ZNF44: variants seen among roughly 807,000 people sequenced by gnomAD.
ZNF44 encodes zinc finger protein 44.
ZNF44 carries 9 observed loss-of-function variants against 11.7 expected under a neutral mutation model. The ratio of observed to expected loss-of-function variants is 0.77; its 90% CI spans 0.46 to 1.35. The LOEUF (loss-of-function observed/expected upper bound fraction) is 1.35. Ranked by LOEUF, ZNF44 falls within the 40% of genes most tolerant of loss-of-function variation. ZNF44 has a pLI of 0.00. For synonymous variants in ZNF44, 224 were observed against 242.7 expected (o/e 0.92, Z 0.72); for missense variants, 696 against 743.1 (o/e 0.94, Z 0.74).
intron 1 of ZNF44, among the ~76,000 whole-genome samples, chr19:12,279,079 A>G (rs1222451225): frequency 6.6e-6 from 1 of 152,162 alleles, no homozygotes; most frequent in Admixed American, 6.5e-5. Flanking sequence ...CATTCAGGAA[A>G]TCTCTGTCAG....
rs191014310 is a variant in ZNF44 at position 12,285,998 on chromosome 19, G to A, written c.3+8694C>T. Among the ~76,000 whole-genome samples, 434 of 152,008 alleles carry A rather than the reference G, an allele frequency of 2.9e-3. 7 individuals carry two copies. The East Asian group carries it at 0.041, about 14-fold the overall frequency. ...CACGCCACTGCACTCTAGCCTGGGT[G>A]ACAGAGCGAGACTCCATCTCAAAAA... On this transcript the variant is annotated intron_variant, in intron 1 of 3. Coordinates refer to ENST00000355684, the MANE Select transcript of ZNF44 (RefSeq NM_016264.4).
At chr19:12,285,222 G>T in intron 1 of ZNF44, 1 of 422,656 alleles carries the variant, frequency 2.4e-6, no homozygotes, top group Non-Finnish European at 4.2e-6. Context: ...AATTAAGCCT[G>T]AAAAAAATGT....
intron 1 of ZNF44, among the ~76,000 whole-genome samples, chr19:12,289,676 G>A (rs1024247120): frequency 1.0e-5 from 1 of 96,790 alleles, no homozygotes; most frequent in African/African-American, 4.2e-5. Context: ...ATGGAGTCTT[G>A]TTCTGTCGCC....
chr19:12,260,476 T>C (rs1022352934), intron 5 of ZNF44: 2 of 1,329,194 alleles, frequency 1.5e-6, no homozygotes, highest in East Asian at 2.4e-5. Flanking sequence ...AGCGCCATCC[T>C]GTGCAGCCAG....
intron 3 of ZNF44, among the ~76,000 whole-genome samples, chr19:12,228,152 A>C (rs1163253657): frequency 9.5e-6 from 1 of 105,582 alleles, no homozygotes; most frequent in Non-Finnish European, 1.9e-5. Context: ...AACGTGCTTA[A>C]ACCTTCAAAA....
chr19:12,274,062 A>C lies in ZNF44; in HGVS notation c.193T>G (p.Cys65Gly). 6.3e-7 allele frequency: 1 copy of C among 1,596,290 alleles called. No individual in the cohort carries two copies. The highest frequency in any genetic ancestry group is 8.5e-7 in the Non-Finnish European group (1 of 1,171,036). ...QHQNLRRNPR[C>G]DVVERFGKSK... ...TTACCAAATCTCTCTACCACATCAC[A>C]CCTGTAAAAAATGAAAAGTACATTA... is the stretch of plus-strand genomic sequence containing the variant. Residue 65 changes from cysteine to glycine, a missense_variant and splice_region_variant, in exon 4 of 4, where the codon TGT becomes GGT. Cys to Gly is a radical substitution (Grantham distance 159). Transcript: ENST00000355684.
chr19:12,276,369 G>T (rs1967219507), intron 1 of ZNF44, among the ~76,000 whole-genome samples: 1 of 152,180 alleles, frequency 6.6e-6, no homozygotes, highest in South Asian at 2.1e-4. Flanking sequence ...TCTACAGTGG[G>T]TCTGTAGTCC....
chr19:12,255,132 A>ACACACACC (rs373440877), intron 5 of ZNF44, among the ~76,000 whole-genome samples: 40 of 145,192 alleles, frequency 2.8e-4, no homozygotes, highest in African/African-American at 9.7e-4. Context: ...ACACACACAC[A>ACACACACC]CCCCTTTGTG....
chr19:12,278,000 T>C (rs1218437248), intron 1 of ZNF44, among the ~76,000 whole-genome samples: 1 of 152,226 alleles, frequency 6.6e-6, no homozygotes, highest in East Asian at 1.9e-4. Flanking sequence ...ACACCTGTAA[T>C]CCCAGTACTT....
At chr19:12,239,022 G>A (rs1916507812), upstream of ZNF44, among the ~76,000 whole-genome samples, 1 of 152,190 alleles carries the variant, frequency 6.6e-6, no homozygotes, top group Non-Finnish European at 1.5e-5. Flanking sequence ...ACTCTCACCT[G>A]GAATCAGCTT....
At chr19:12,229,653 A>G (rs1482978772) in intron 3 of ZNF44, among the ~76,000 whole-genome samples, 1 of 151,420 alleles carries the variant, frequency 6.6e-6, no homozygotes, top group Admixed American at 6.6e-5. Flanking sequence ...TTGCTCTGTC[A>G]CCCAGGCTGG....
downstream of ZNF44, among the ~76,000 whole-genome samples, chr19:12,267,047 T>TC (rs1250099652): frequency 2.7e-5 from 4 of 148,468 alleles, no homozygotes; most frequent in South Asian, 2.1e-4. Context: ...TTTTTTCTTT[T>TC]TTTTTTTTTT....
intron 5 of ZNF44, among the ~76,000 whole-genome samples, chr19:12,261,141 T>A (rs1317583446): frequency 6.6e-6 from 1 of 152,110 alleles, no homozygotes; most frequent in Non-Finnish European, 1.5e-5. Context: ...TTTACTGTGG[T>A]TGGAAGTGGG....
chr19:12,240,977 A>G (rs1398987576), upstream of ZNF44, among the ~76,000 whole-genome samples: 1 of 152,238 alleles, frequency 6.6e-6, no homozygotes, highest in Non-Finnish European at 1.5e-5. Context: ...AAGACAACAT[A>G]CAGAATGAGA....
intron 5 of ZNF44, among the ~76,000 whole-genome samples, chr19:12,251,453 C>A (rs1916993080): frequency 6.6e-6 from 1 of 151,972 alleles, no homozygotes; most frequent in African/African-American, 2.4e-5. Flanking sequence ...GAGATAGCAC[C>A]ACTTCTCTCC....
rs1599524410 is a variant in ZNF44 at position 12,272,164 on chromosome 19, T to A, written c.*243A>T. On this transcript the variant is annotated 3_prime_UTR_variant, in exon 4 of 4. Coordinates refer to ENST00000355684, the MANE Select transcript of ZNF44 (RefSeq NM_016264.4). ...GGTGTGAGCAACTATGCCTGGCTAT[T>A]TTTTTTTTTTTCCGTATTTTTAGTA... The A allele has an allele frequency of 3.5e-6, 1 of 282,056 alleles. No individual in the cohort carries two copies. The highest frequency in any genetic ancestry group is 5.3e-6 in the Non-Finnish European group (1 of 187,560). 17.5% of individuals were successfully genotyped at this position (282,056 alleles called of 1,614,324 possible).
At chr19:12,289,449 G>A (rs2438520) in intron 1 of ZNF44, among the ~76,000 whole-genome samples, 60,150 of 151,822 alleles carry the variant, frequency 0.4, 13,372 homozygotes, top group African/African-American at 0.62. Context: ...GAACAGGCTT[G>A]AGTCAGGGTA....
chr19:12,240,052 T>C (rs2145683286), upstream of ZNF44, among the ~76,000 whole-genome samples: 1 of 152,284 alleles, frequency 6.6e-6, no homozygotes, highest in Admixed American at 6.5e-5. Flanking sequence ...TCGCAAGTAA[T>C]CCCATGTTCA....
At chr19:12,250,805 A>T in intron 5 of ZNF44, 1 of 456,294 alleles carries the variant, frequency 2.2e-6, no homozygotes, top group South Asian at 1.5e-5. Flanking sequence ...TATTCCCATC[A>T]CTAAGCATGA....
Sources: allele counts gnomAD v4.1 joint callset (sites outside exome capture counted in the v4.1 genomes callset), GRCh38; gene constraint gnomAD v4.1.1; transcripts MANE v1.5; gene names NCBI Gene and HGNC (gene_info 2026-07-23, HGNC 2026-07-21).